Variants in KCNH5 observed in about 807,000 individuals in gnomAD.
KCNH5 encodes the protein potassium voltage-gated channel subfamily H member 5, also known as voltage-gated delayed rectifier potassium channel KCNH5.
Under a neutral mutation model 96.1 loss-of-function variants are expected in KCNH5, and 46 were observed. The observed-to-expected ratio is 0.48, with a 90% CI of 0.38 to 0.61. The LOEUF (loss-of-function observed/expected upper bound fraction) is 0.61. Among genes scored for constraint, KCNH5 ranks in the 20% least tolerant of loss-of-function variants. The pLI is 0.00. For missense variants in KCNH5, 907 were observed against 1,225.8 expected, an observed-to-expected ratio of 0.74 and a Z score of 3.88; for synonymous variants, 439 against 449.8, an observed-to-expected ratio of 0.98 and a Z score of 0.30.
intron 10 of KCNH5, among the ~76,000 whole-genome samples, chr14:62,777,410 T>C (rs535512501): frequency 6.6e-6 from 1 of 152,192 alleles, no homozygotes; most frequent in Non-Finnish European, 1.5e-5. Context: ...TCGTTGACAT[T>C]TAATAAGATA....
chr14:62,871,674 T>C (rs1245696062), intron 7 of KCNH5, among the ~76,000 whole-genome samples: 1 of 152,014 alleles, frequency 6.6e-6, no homozygotes, highest in Non-Finnish European at 1.5e-5. Flanking sequence ...GGCAAGAAAA[T>C]GTGCATTATA....
At chr14:62,765,803 C>A (rs79188963) in intron 10 of KCNH5, among the ~76,000 whole-genome samples, 1 of 152,022 alleles carries the variant, frequency 6.6e-6, no homozygotes, top group South Asian at 2.1e-4. Flanking sequence ...TTGAGCAATA[C>A]CCCACAAGCA....
At chr14:62,901,921 T>C (rs915898573) in intron 7 of KCNH5, among the ~76,000 whole-genome samples, 1 of 152,210 alleles carries the variant, frequency 6.6e-6, no homozygotes, top group African/African-American at 2.4e-5. Flanking sequence ...TAATTCTGAC[T>C]GGTGTGAGAT....
chr14:62,799,055 A>G lies in KCNH5; in HGVS notation c.1822+3274T>C, dbSNP rs2139996263. Among the ~76,000 whole-genome samples the G allele has an allele frequency of 2.0e-5, 3 of 152,282 alleles. No homozygotes were observed. In the South Asian group the frequency reaches 6.2e-4, roughly 32 times the overall value. The stretch of plus-strand genomic sequence containing the variant: ...GTTCCTCTCTGACCCTTGCAAGATT[A>G]AAAGCAAAGAGCATTAAACATGATG... On this transcript the variant is annotated intron_variant, in intron 9 of 10. Transcript: ENST00000322893.
chr14:63,018,964 T>C (rs1329621094), intron 1 of KCNH5, among the ~76,000 whole-genome samples: 3 of 151,976 alleles, frequency 2.0e-5, no homozygotes, highest in African/African-American at 7.2e-5. Flanking sequence ...AACAGCAGAT[T>C]GGACACTAAA....
intron 7 of KCNH5, among the ~76,000 whole-genome samples, chr14:62,856,216 G>T (rs1479472404): frequency 2.0e-5 from 3 of 152,076 alleles, no homozygotes; most frequent in Non-Finnish European, 2.9e-5. Context: ...TGATATTCAG[G>T]TCTCTAAAAA....
At chr14:62,867,569 T>A (rs952397371) in intron 7 of KCNH5, among the ~76,000 whole-genome samples, 3 of 152,228 alleles carry the variant, frequency 2.0e-5, no homozygotes, top group Non-Finnish European at 4.4e-5. Context: ...CCTAACTAGT[T>A]CTTTATTTTG....
At chr14:62,720,530 C>A (rs907704654) in intron 10 of KCNH5, among the ~76,000 whole-genome samples, 1 of 152,174 alleles carries the variant, frequency 6.6e-6, no homozygotes, top group African/African-American at 2.4e-5. Context: ...CTGCACTGAG[C>A]TGAGATCGCG....
At chr14:62,958,332 G>T (rs1038122163) in intron 6 of KCNH5, among the ~76,000 whole-genome samples, 5 of 152,130 alleles carry the variant, frequency 3.3e-5, no homozygotes, top group Admixed American at 6.6e-5. Context: ...ATCACCTTGG[G>T]TGATATCCAT....
intron 8 of KCNH5, among the ~76,000 whole-genome samples, chr14:62,843,799 C>A (rs1298276317): frequency 6.6e-6 from 1 of 152,014 alleles, no homozygotes; most frequent in Non-Finnish European, 1.5e-5. Context: ...ATGATATATA[C>A]CATCACGGGA....
intron 8 of KCNH5, among the ~76,000 whole-genome samples, chr14:62,810,154 T>C (rs1039483044): frequency 8.5e-5 from 13 of 152,138 alleles, no homozygotes; most frequent in African/African-American, 2.9e-4. Context: ...TAAACACTTA[T>C]CAATCTTCCA....
At chr14:62,730,661 G>A (rs995028197) in intron 10 of KCNH5, among the ~76,000 whole-genome samples, 1 of 152,160 alleles carries the variant, frequency 6.6e-6, no homozygotes, top group African/African-American at 2.4e-5. Context: ...AACAACAACA[G>A]GGGAGTGTTT....
intron 7 of KCNH5, among the ~76,000 whole-genome samples, chr14:62,898,571 A>C (rs1249936506): frequency 1.3e-5 from 2 of 152,300 alleles, no homozygotes; most frequent in East Asian, 1.9e-4. Flanking sequence ...AAAATTGTCA[A>C]AGTGATTTTT....
chr14:62,746,164 C>T (rs1402202691), intron 10 of KCNH5, among the ~76,000 whole-genome samples: 1 of 152,208 alleles, frequency 6.6e-6, no homozygotes, highest in African/African-American at 2.4e-5. Flanking sequence ...TTCTCTTCAA[C>T]AAATTAAACA....
At chr14:62,949,685 C>T (rs1409620356) in intron 7 of KCNH5, 1 of 166,848 alleles carries the variant, frequency 6.0e-6, no homozygotes, top group African/African-American at 2.4e-5. Flanking sequence ...ACCCTTTCTC[C>T]TAGTCTTAAT....
intron 6 of KCNH5, among the ~76,000 whole-genome samples, chr14:62,980,505 G>T (rs1002294482): frequency 2.6e-5 from 4 of 152,124 alleles, no homozygotes; most frequent in African/African-American, 9.7e-5. Context: ...AGTAAATGTG[G>T]TTTTTGCCAT....
intron 10 of KCNH5, among the ~76,000 whole-genome samples, chr14:62,763,592 A>G (rs1232245260): frequency 6.6e-6 from 1 of 152,120 alleles, no homozygotes; most frequent in Non-Finnish European, 1.5e-5. Flanking sequence ...TCAACAAACC[A>G]AAAGTTTTTC....
intron 10 of KCNH5, among the ~76,000 whole-genome samples, chr14:62,757,516 A>G (rs1030519208): frequency 1.3e-5 from 2 of 152,184 alleles, no homozygotes; most frequent in Admixed American, 6.5e-5. Context: ...CACTGTTCAC[A>G]ATAGCCAAGT....
intron 10 of KCNH5, among the ~76,000 whole-genome samples, chr14:62,739,668 T>C (rs1324200922): frequency 6.6e-6 from 1 of 152,136 alleles, no homozygotes; most frequent in Non-Finnish European, 1.5e-5. Context: ...GCTTCAATCA[T>C]GGTACTGTTG....
Sources: gnomAD v4.1 joint callset for allele counts (sites outside exome capture counted in the v4.1 genomes callset) on GRCh38, gnomAD v4.1.1 for gene constraint, MANE v1.5 for transcripts, NCBI Gene and HGNC (gene_info 2026-07-23, HGNC 2026-07-21) for gene names.